SLC16A2: variants seen among roughly 807,000 people sequenced by gnomAD.
The protein encoded by SLC16A2 is monocarboxylate transporter 8.
In SLC16A2, 3 loss-of-function variants were observed where a neutral mutation model predicts 27.2. The observed-to-expected ratio is 0.11, with a 90% CI of 0.05 to 0.28. The LOEUF (loss-of-function observed/expected upper bound fraction) is 0.28, where lower values mean the gene tolerates loss of function less well. SLC16A2 is among the 10% of genes least tolerant of loss of function. The pLI is 1.00. For missense variants in SLC16A2, 295 were observed against 458.5 expected, an observed-to-expected ratio of 0.64 and a Z score of 3.26; for synonymous variants, 202 against 187.8, an observed-to-expected ratio of 1.08 and a Z score of -0.62.
chrX:74,470,695 C>A (rs182558207), intron 1 of SLC16A2, among the ~76,000 whole-genome samples: 219 of 111,524 alleles, frequency 2.0e-3, no homozygotes, highest in African/African-American at 6.8e-3. Flanking sequence ...ACCTGTAATC[C>A]CAGCACTTTG....
At chrX:74,499,392 C>A (rs2147862563) in intron 1 of SLC16A2, among the ~76,000 whole-genome samples, 1 of 110,251 alleles carries the variant, frequency 9.1e-6, no homozygotes, top group Admixed American at 9.7e-5. Context: ...AGAATTGGGA[C>A]CAGTTCCATA....
intron 1 of SLC16A2, among the ~76,000 whole-genome samples, chrX:74,434,309 C>T (rs1343347837): frequency 8.9e-5 from 10 of 112,001 alleles, no homozygotes; most frequent in Non-Finnish European, 1.7e-4. Flanking sequence ...CAGGAGGAAT[C>T]AAGGCCCTGA....
At chrX:74,449,744 G>A (rs1928904160) in intron 1 of SLC16A2, among the ~76,000 whole-genome samples, 1 of 111,865 alleles carries the variant, frequency 8.9e-6, no homozygotes, top group South Asian at 3.8e-4. Flanking sequence ...TAGGTTACCT[G>A]CTGGCACTGG....
At chrX:74,489,014 A>G (rs1028862863) in intron 1 of SLC16A2, among the ~76,000 whole-genome samples, 1 of 112,044 alleles carries the variant, frequency 8.9e-6, no homozygotes, top group African/African-American at 3.2e-5. Flanking sequence ...CCTAAATTAT[A>G]TGACAAGTTT....
At chrX:74,530,396 G>C (rs1446106705) in intron 5 of SLC16A2, among the ~76,000 whole-genome samples, 1 of 111,865 alleles carries the variant, frequency 8.9e-6, no homozygotes, top group African/African-American at 3.2e-5. Flanking sequence ...CACCACACCC[G>C]GCAACTCCAT....
chrX:74,528,903 C>T (rs769452735), intron 4 of SLC16A2, among the ~76,000 whole-genome samples: 1 of 112,096 alleles, frequency 8.9e-6, no homozygotes, highest in East Asian at 2.8e-4. Context: ...GCAGAAACAA[C>T]AATTCCTTTT....
At chrX:74,463,187 G>A (rs1929186190) in intron 1 of SLC16A2, among the ~76,000 whole-genome samples, 2 of 111,880 alleles carry the variant, frequency 1.8e-5, no homozygotes, top group Non-Finnish European at 3.8e-5. Context: ...AGGCTGACAA[G>A]TGCCTCCATC....
At chrX:74,519,010 A>C (rs1423214108) in intron 1 of SLC16A2, among the ~76,000 whole-genome samples, 1 of 112,010 alleles carries the variant, frequency 8.9e-6, no homozygotes, top group Non-Finnish European at 1.9e-5. Context: ...ATATCTGCAA[A>C]ATCTTTGCCT....
Position 74,529,402 on chromosome X carries a change from A to G in SLC16A2, c.1360A>G (p.Met454Val). 8.4e-7 allele frequency: 1 copy of G among 1,191,433 alleles called. No individual in the cohort carries two copies. The highest frequency in any genetic ancestry group is 1.1e-6 in the Non-Finnish European group (1 of 884,260). ...ASQAIGYLLG[M>V]MALPMIAGPP... ...ACAGGCCATTGGCTACCTCCTGGGCATGATGGCCCTGCCAATGATTGCTGG... is the reference window on the plus strand; with the variant it reads ...ACAGGCCATTGGCTACCTCCTGGGCGTGATGGCCCTGCCAATGATTGCTGG... Residue 454 changes from methionine (M) to valine (V), a missense_variant, in exon 5 of 6, where the codon ATG becomes GTG. Physicochemically the swap from Met to Val is conservative, Grantham distance 21. This residue lies in a region of SLC16A2 where 144 missense variants were observed against 219.8 expected (regional missense o/e 0.66). Coordinates refer to ENST00000587091, the MANE Select transcript of SLC16A2 (RefSeq NM_006517.5).
intron 1 of SLC16A2, among the ~76,000 whole-genome samples, chrX:74,438,680 C>A (rs1256672460): frequency 8.9e-6 from 1 of 112,244 alleles, no homozygotes; most frequent in African/African-American, 3.2e-5. Flanking sequence ...GTGAGCATAC[C>A]ATACCCTTCA....
chrX:74,430,321 T>C (rs1006147495), intron 1 of SLC16A2, among the ~76,000 whole-genome samples: 20 of 111,813 alleles, frequency 1.8e-4, no homozygotes, highest in Admixed American at 8.5e-4. Flanking sequence ...AACTCCTGCT[T>C]TTAGACCTCA....
At chrX:74,454,050 C>A (rs1035698049) in intron 1 of SLC16A2, among the ~76,000 whole-genome samples, 2 of 111,043 alleles carry the variant, frequency 1.8e-5, no homozygotes, top group Non-Finnish European at 3.8e-5. Flanking sequence ...TTCTGACTAC[C>A]ATGATGCCCC....
intron 1 of SLC16A2, among the ~76,000 whole-genome samples, chrX:74,426,536 C>G (rs752622572): frequency 5.4e-5 from 6 of 111,816 alleles, no homozygotes; most frequent in Non-Finnish European, 1.1e-4. Context: ...TCTGGACTCC[C>G]CAAAGCTGGC....
chrX:74,530,125 C>T (rs1202070040), intron 5 of SLC16A2, among the ~76,000 whole-genome samples: 2 of 95,750 alleles, frequency 2.1e-5, no homozygotes, highest in African/African-American at 4.1e-5. Flanking sequence ...CAGAGTCTTG[C>T]TCTGTCACCA....
At chrX:74,503,848 G>A (rs747022949) in intron 1 of SLC16A2, among the ~76,000 whole-genome samples, 1 of 112,303 alleles carries the variant, frequency 8.9e-6, no homozygotes, top group South Asian at 3.7e-4. Flanking sequence ...GTGTGACCTA[G>A]TCTACTTACC....
intron 1 of SLC16A2, among the ~76,000 whole-genome samples, chrX:74,507,802 G>A (rs892682465): frequency 2.7e-5 from 3 of 112,185 alleles, no homozygotes; most frequent in African/African-American, 9.7e-5. Context: ...AGCACAGAAA[G>A]TCAAATACCA....
At chrX:74,490,506 G>A (rs1929806355) in intron 1 of SLC16A2, among the ~76,000 whole-genome samples, 1 of 111,088 alleles carries the variant, frequency 9.0e-6, no homozygotes, top group African/African-American at 3.3e-5. Flanking sequence ...TTTCCTCTCT[G>A]GAGGTCTAAG....
chrX:74,505,610 C>A (rs1170085985), intron 1 of SLC16A2, among the ~76,000 whole-genome samples: 1 of 112,028 alleles, frequency 8.9e-6, no homozygotes, highest in Non-Finnish European at 1.9e-5. Flanking sequence ...GGCCCCCTGA[C>A]GGTGGAGCCA....
chrX:74,508,052 T>C (rs988668118), intron 1 of SLC16A2, among the ~76,000 whole-genome samples: 3 of 112,088 alleles, frequency 2.7e-5, no homozygotes, highest in Non-Finnish European at 5.6e-5. Context: ...CTATTTTTAG[T>C]TTTTTGAGAA....
Sources: allele counts gnomAD v4.1 joint callset (sites outside exome capture counted in the v4.1 genomes callset), GRCh38; gene constraint gnomAD v4.1.1; regional missense constraint gnomAD v4.1.1; transcripts MANE v1.5; gene names NCBI Gene and HGNC (gene_info 2026-07-23, HGNC 2026-07-21).